PRKAR2B: variants seen among roughly 807,000 people sequenced by gnomAD.
The protein encoded by PRKAR2B is protein kinase cAMP-dependent type II regulatory subunit beta, also known as cAMP-dependent protein kinase type II-beta regulatory subunit.
A neutral mutation model predicts 49.9 loss-of-function variants in PRKAR2B; 14 were observed. The ratio of observed to expected loss-of-function variants is 0.28; its 90% CI spans 0.19 to 0.44. PRKAR2B has a LOEUF of 0.44. Among genes scored for constraint, PRKAR2B ranks in the 20% least tolerant of loss-of-function variants. The pLI is 1.00. For missense variants in PRKAR2B, 393 were observed against 537.9 expected, an observed-to-expected ratio of 0.73 and a Z score of 2.67; for synonymous variants, 196 against 197.7, an observed-to-expected ratio of 0.99 and a Z score of 0.07.
intron 2 of PRKAR2B, among the ~76,000 whole-genome samples, chr7:107,091,424 C>T (rs929834798): frequency 6.6e-6 from 1 of 152,102 alleles, no homozygotes; most frequent in Non-Finnish European, 1.5e-5. Flanking sequence ...TGCATCATGA[C>T]AAATGTCACC....
At chr7:107,125,685 G>C (rs1166197917) in intron 3 of PRKAR2B, among the ~76,000 whole-genome samples, 1 of 152,178 alleles carries the variant, frequency 6.6e-6, no homozygotes, top group Non-Finnish European at 1.5e-5. Flanking sequence ...ATTACAGAGA[G>C]TGGACTCTGA....
chr7:107,133,170 C>G (rs1795632405), intron 4 of PRKAR2B, among the ~76,000 whole-genome samples: 1 of 152,150 alleles, frequency 6.6e-6, no homozygotes, highest in African/African-American at 2.4e-5. Context: ...TTAAATATTT[C>G]CTAAGTTCTT....
At chr7:107,130,741 G>C (rs77695031) in intron 4 of PRKAR2B, among the ~76,000 whole-genome samples, 1,722 of 152,216 alleles carry the variant, frequency 0.011, 35 homozygotes, top group African/African-American at 0.039. Context: ...TGATATCAAA[G>C]CTAGCCTATG....
intron 1 of PRKAR2B, among the ~76,000 whole-genome samples, chr7:107,046,880 ATT>A (rs756005922): frequency 1.3e-5 from 2 of 152,148 alleles, no homozygotes; most frequent in Admixed American, 1.3e-4. Context: ...TAATCAAAAT[ATT>A]TTGTTTGTAT....
intron 2 of PRKAR2B, among the ~76,000 whole-genome samples, chr7:107,121,344 A>G (rs1233723756): frequency 6.6e-6 from 1 of 152,168 alleles, no homozygotes; most frequent in Non-Finnish European, 1.5e-5. Context: ...ATAGTTATTT[A>G]CGGCATATAA....
At position 107,146,477 on chromosome 7, in the gene PRKAR2B, A is replaced by C; in HGVS notation, c.741+16A>C. ...GTGGGGTTTGGTGAGTAAAATACTT[A>C]TTTGACCTGAATGTTATGATTTGTA... On this transcript the variant is annotated intron_variant, in intron 6 of 10. Transcript: ENST00000265717. The C allele has an allele frequency of 6.2e-7, 1 of 1,606,124 alleles. No homozygotes were observed. The highest frequency in any genetic ancestry group is 8.5e-7 in the Non-Finnish European group (1 of 1,174,660).
At chr7:107,052,627 G>A (rs1793830022) in intron 1 of PRKAR2B, among the ~76,000 whole-genome samples, 2 of 152,168 alleles carry the variant, frequency 1.3e-5, no homozygotes, top group South Asian at 2.1e-4. Flanking sequence ...CTTCAACCAC[G>A]GTTTATACAC....
chr7:107,138,481 A>G (rs1795738376), intron 4 of PRKAR2B, among the ~76,000 whole-genome samples: 3 of 152,012 alleles, frequency 2.0e-5, no homozygotes, highest in African/African-American at 4.8e-5. Flanking sequence ...TGTAACAGTC[A>G]TGGCTCACTG....
chr7:107,046,157 A>C (rs190419175), intron 1 of PRKAR2B, among the ~76,000 whole-genome samples: 2 of 152,290 alleles, frequency 1.3e-5, no homozygotes, highest in East Asian at 3.9e-4. Context: ...ACCCAGACAC[A>C]CACCCTCATT....
chr7:107,126,653 G>A (rs1024966336), intron 3 of PRKAR2B, among the ~76,000 whole-genome samples: 1 of 152,166 alleles, frequency 6.6e-6, no homozygotes, highest in Non-Finnish European at 1.5e-5. Context: ...CATCTCGGTT[G>A]CTTTGGTTTG....
intron 2 of PRKAR2B, among the ~76,000 whole-genome samples, chr7:107,112,823 A>G (rs971308352): frequency 6.6e-6 from 1 of 152,132 alleles, no homozygotes; most frequent in Non-Finnish European, 1.5e-5. Flanking sequence ...ATTGATTTGC[A>G]TTGCTGTATC....
At chr7:107,126,087 T>TAAAAAAAAAAA (rs34333619) in intron 3 of PRKAR2B, among the ~76,000 whole-genome samples, 1 of 82,258 alleles carries the variant, frequency 1.2e-5, no homozygotes, top group African/African-American at 4.9e-5. Flanking sequence ...GACTGTGTCT[T>TAAAAAAAAAAA]AAAAAAAAAA....
chr7:107,086,284 T>C (rs1248209381), intron 2 of PRKAR2B, among the ~76,000 whole-genome samples: 1 of 152,150 alleles, frequency 6.6e-6, no homozygotes, highest in Non-Finnish European at 1.5e-5. Flanking sequence ...GAGAGGGTTA[T>C]TTAGTCTGAA....
chr7:107,136,825 T>C (rs1020601186), intron 4 of PRKAR2B, among the ~76,000 whole-genome samples: 1 of 152,116 alleles, frequency 6.6e-6, no homozygotes, highest in African/African-American at 2.4e-5. Flanking sequence ...CCCAAAGGAG[T>C]TGAAAACTTA....
chr7:107,068,013 C>T (rs1794187382), intron 1 of PRKAR2B, among the ~76,000 whole-genome samples: 1 of 152,164 alleles, frequency 6.6e-6, no homozygotes, highest in Non-Finnish European at 1.5e-5. Context: ...CAGGACAGTT[C>T]TTTGTTGTGC....
intron 2 of PRKAR2B, among the ~76,000 whole-genome samples, chr7:107,112,466 C>A (rs1262799375): frequency 6.6e-6 from 1 of 151,776 alleles, no homozygotes; most frequent in Non-Finnish European, 1.5e-5. Context: ...AACAAAAAAA[C>A]ACAAATTAAA....
At chr7:107,113,253 T>C (rs1330718408) in intron 2 of PRKAR2B, among the ~76,000 whole-genome samples, 1 of 152,218 alleles carries the variant, frequency 6.6e-6, no homozygotes, top group Non-Finnish European at 1.5e-5. Context: ...TTAGTATTTA[T>C]ATTTAGATGA....
At chr7:107,089,812 G>GA (rs1310474623) in intron 2 of PRKAR2B, among the ~76,000 whole-genome samples, 1 of 152,178 alleles carries the variant, frequency 6.6e-6, no homozygotes. Flanking sequence ...TACTAGCACA[G>GA]ATAAGCAGAT....
At chr7:107,054,029 T>G (rs1793861511) in intron 1 of PRKAR2B, among the ~76,000 whole-genome samples, 4 of 152,178 alleles carry the variant, frequency 2.6e-5, no homozygotes, top group African/African-American at 7.2e-5. Flanking sequence ...AGGCAATTCT[T>G]TTGTAAATAT....
Sources: gnomAD v4.1 joint callset for allele counts (sites outside exome capture counted in the v4.1 genomes callset) on GRCh38, gnomAD v4.1.1 for gene constraint, MANE v1.5 for transcripts, NCBI Gene and HGNC (gene_info 2026-07-23, HGNC 2026-07-21) for gene names.